RAD54B: variants seen among roughly 807,000 people sequenced by gnomAD.
The protein encoded by RAD54B is DNA repair and recombination protein RAD54B.
A neutral mutation model predicts 95.8 loss-of-function variants in RAD54B; 78 were observed. The ratio of observed to expected loss-of-function variants is 0.81; its 90% CI spans 0.68 to 0.98. RAD54B has a LOEUF of 0.98. Ranked by LOEUF, RAD54B falls within the 50% of genes least tolerant of loss-of-function variation. RAD54B has a pLI of 0.00. For synonymous variants in RAD54B, 328 were observed against 354.9 expected (o/e 0.92, Z 0.85); for missense variants, 957 against 1,056.6 (o/e 0.91, Z 1.31).
intron 3 of RAD54B, among the ~76,000 whole-genome samples, chr8:94,418,585 C>T (rs1039225360): frequency 6.6e-5 from 10 of 152,156 alleles, no homozygotes; most frequent in South Asian, 4.1e-4. Context: ...TCCATCATCC[C>T]GAAAGACTCC....
intron 11 of RAD54B, among the ~76,000 whole-genome samples, chr8:94,380,913 T>A (rs1810723312): frequency 6.6e-6 from 1 of 152,200 alleles, no homozygotes; most frequent in South Asian, 2.1e-4. Context: ...TGCTCCCATG[T>A]GATCAGTTGA....
chr8:94,376,892 A>G (rs1810589544), intron 14 of RAD54B, among the ~76,000 whole-genome samples: 1 of 151,764 alleles, frequency 6.6e-6, no homozygotes, highest in African/African-American at 2.4e-5. Context: ...TATATAAAAT[A>G]TATTTATGTT....
At chr8:94,429,179 C>A (rs1320347217) in intron 3 of RAD54B, 1 of 874,464 alleles carries the variant, frequency 1.1e-6, no homozygotes, top group Non-Finnish European at 1.4e-6. Flanking sequence ...TTGTATACAG[C>A]CCCTAAATGC....
chr8:94,430,518 AG>A lies in RAD54B; in HGVS notation c.305-19204del, dbSNP rs1484612982. ...CAGAATCGCTAAAGGGTTTATTAAA[AG>A]AGATTGCTGACACCCCCAGGGTTTC... On this transcript the variant is annotated intron_variant, in intron 3 of 14. Transcript: ENST00000336148. The A allele has an allele frequency of 3.4e-6, 3 of 894,580 alleles. No homozygotes were observed. In the East Asian group the frequency reaches 3.6e-4, roughly 107 times the overall value. The allele number at this position is 894,580 out of a possible 1,614,324, so 55.4% of individuals were successfully genotyped here.
chr8:94,465,058 C>T (rs1057406995), intron 2 of RAD54B, among the ~76,000 whole-genome samples: 2 of 152,160 alleles, frequency 1.3e-5, no homozygotes, highest in African/African-American at 4.8e-5. Flanking sequence ...CAACCTCAAA[C>T]ACTGGAGGTC....
At position 94,380,370 on chromosome 8, in the gene RAD54B, G is replaced by C. The variant is rs76782918; in HGVS notation, c.2022C>G (p.Asn674Lys). The change falls in exon 12 of 15, where the codon AAC (asparagine) becomes AAG (lysine). Residue 674 changes from asparagine (N) to lysine (K), a missense_variant. Coordinates refer to ENST00000336148, the MANE Select transcript of RAD54B (RefSeq NM_012415.3). The part of the protein sequence containing the change: ...VLVSNYTQTL[N>K]ILQEVCKRHG... The stretch of plus-strand genomic sequence containing the variant: ...GACGCTTACATACTTCTTGTAAAAT[G>C]TTCAAGGTTTGTGTATAGTTGGATA... The C allele has an allele frequency of 9.3e-6, 15 of 1,613,388 alleles. No individual in the cohort carries two copies. Among genetic ancestry groups the C allele is most frequent in the Middle Eastern group, 1.6e-4 (1 of 6,082 alleles).
chr8:94,383,864 A>T (rs1810802448), intron 11 of RAD54B, among the ~76,000 whole-genome samples: 1 of 152,248 alleles, frequency 6.6e-6, no homozygotes, highest in African/African-American at 2.4e-5. Flanking sequence ...TTATCAAAAA[A>T]ATAGAAAGTA....
At chr8:94,466,872 G>A (rs1813036452) in intron 2 of RAD54B, among the ~76,000 whole-genome samples, 1 of 152,114 alleles carries the variant, frequency 6.6e-6, no homozygotes, top group South Asian at 2.1e-4. Context: ...CCTCAAAGAG[G>A]TACTTACTTA....
chr8:94,407,100 A>G (rs1409514143), intron 5 of RAD54B, among the ~76,000 whole-genome samples: 1 of 152,200 alleles, frequency 6.6e-6, no homozygotes, highest in Non-Finnish European at 1.5e-5. Context: ...CCAGATTAAT[A>G]CATTTACTAA....
chr8:94,415,814 G>T (rs10102251), intron 3 of RAD54B, among the ~76,000 whole-genome samples: 51,527 of 138,914 alleles, frequency 0.37, 10,097 homozygotes, highest in Admixed American at 0.47. Flanking sequence ...AAAACCACAA[G>T]GAGATACCAT....
chr8:94,442,321 C>T (rs1812415818), intron 3 of RAD54B, among the ~76,000 whole-genome samples: 1 of 151,158 alleles, frequency 6.6e-6, no homozygotes. Context: ...CGCCTGTAAT[C>T]CCAGCACTTT....
intron 3 of RAD54B, among the ~76,000 whole-genome samples, chr8:94,452,681 T>C (rs1812688606): frequency 6.6e-6 from 1 of 152,026 alleles, no homozygotes; most frequent in African/African-American, 2.4e-5. Flanking sequence ...GCATTTTTAG[T>C]AGATATGGGG....
At chr8:94,466,421 T>TGGG (rs1206747469) in intron 2 of RAD54B, among the ~76,000 whole-genome samples, 104 of 150,618 alleles carry the variant, frequency 6.9e-4, no homozygotes, top group Non-Finnish European at 1.1e-3. Flanking sequence ...TTTTTTTTTT[T>TGGG]GGGGGGGACG....
chr8:94,391,585 C>T, intron 10 of RAD54B, 24 bp downstream of exon 10: 1 of 1,597,850 alleles, frequency 6.3e-7, no homozygotes. Context: ...ATCCCTGACA[C>T]AGTTTCAGAT....
Position 94,400,255 on chromosome 8 carries a change from T to C in RAD54B, c.1153A>G (p.Ile385Val), listed in dbSNP as rs1448571300. The change falls in exon 7 of 15, where the codon ATA becomes GTA. Residue 385 changes from isoleucine to valine, a missense_variant. Physicochemically the swap from Ile to Val is conservative, Grantham distance 29. Coordinates refer to ENST00000336148, the MANE Select transcript of RAD54B (RefSeq NM_012415.3). ...QKWLGSERIK[I>V]FTVDQDHKVE... ...TTTCTTACCTGATCAACAGTAAATA[T>C]CTTGATCCTTTCACTTCCTAGCCAT... is the stretch of plus-strand genomic sequence containing the variant. 1 of 1,613,194 alleles carries C rather than the reference T, an allele frequency of 6.2e-7. No individual in the cohort carries two copies. The highest frequency in any genetic ancestry group is 8.5e-7 in the Non-Finnish European group (1 of 1,179,294).
chr8:94,413,798 AC>A (rs986456247), intron 3 of RAD54B, among the ~76,000 whole-genome samples: 7 of 151,756 alleles, frequency 4.6e-5, no homozygotes, highest in African/African-American at 1.7e-4. Flanking sequence ...TATGAATAAG[AC>A]AAAGGTCTTG....
intron 14 of RAD54B, among the ~76,000 whole-genome samples, chr8:94,372,853 T>C (rs1018867854): frequency 6.6e-6 from 1 of 152,088 alleles, no homozygotes; most frequent in African/African-American, 2.4e-5. Context: ...CTCACATCAA[T>C]TTAGGTAAGG....
chr8:94,386,937 A>T, intron 11 of RAD54B, 47 bp downstream of exon 11: 1 of 1,347,646 alleles, frequency 7.4e-7, no homozygotes, highest in African/African-American at 1.5e-5. Context: ...GAAATAGTGC[A>T]AACTAAAACT....
intron 1 of RAD54B, chr8:94,468,105 G>A (rs1042533351): frequency 6.6e-6 from 1 of 152,360 alleles, no homozygotes; most frequent in African/African-American, 2.4e-5. Context: ...TCCCAAATCA[G>A]AGAATCTTTT....
Sources: allele counts gnomAD v4.1 joint callset (sites outside exome capture counted in the v4.1 genomes callset), GRCh38; gene constraint gnomAD v4.1.1; transcripts MANE v1.5; gene names NCBI Gene and HGNC (gene_info 2026-07-23, HGNC 2026-07-21).